Variants in ZFYVE28 observed in about 807,000 individuals in gnomAD.
ZFYVE28 encodes the protein lateral signaling target protein 2 homolog.
Under a neutral mutation model 82.1 loss-of-function variants are expected in ZFYVE28, and 40 were observed. The observed-to-expected ratio is 0.49, with a 90% CI of 0.38 to 0.63. ZFYVE28 has a LOEUF of 0.63. Among genes scored for constraint, ZFYVE28 ranks in the 30% least tolerant of loss-of-function variants. The pLI is 0.00. For missense variants in ZFYVE28, 1,321 were observed against 1,242.1 expected (o/e 1.06, Z -0.96); for synonymous variants, 612 against 546.1 (o/e 1.12, Z -1.68).
At chr4:2,278,219 CTTTTTTT>C in intron 8 of ZFYVE28, among the ~76,000 whole-genome samples, 1 of 136,922 alleles carries the variant, frequency 7.3e-6, no homozygotes, top group Non-Finnish European at 1.6e-5. Flanking sequence ...AAGATTCTCT[CTTTTTTT>C]TTTTTTTTTT....
At chr4:2,279,325 G>A (rs186228310) in intron 8 of ZFYVE28, among the ~76,000 whole-genome samples, 3 of 152,252 alleles carry the variant, frequency 2.0e-5, no homozygotes, top group East Asian at 3.9e-4. Flanking sequence ...CCAGCTACCC[G>A]GGAAGCTGAG....
intron 2 of ZFYVE28, chr4:2,342,810 A>G (rs764789252): frequency 2.0e-5 from 3 of 152,212 alleles, no homozygotes; most frequent in Non-Finnish European, 4.4e-5. Flanking sequence ...TATGAAATCA[A>G]TACACGTTCA....
intron 1 of ZFYVE28, among the ~76,000 whole-genome samples, chr4:2,381,070 C>G (rs1728683895): frequency 6.6e-6 from 1 of 152,146 alleles, no homozygotes; most frequent in South Asian, 2.1e-4. Context: ...TTTGGAACTT[C>G]CTAGAGACTT....
chr4:2,387,327 C>T (rs1389543887), intron 1 of ZFYVE28, among the ~76,000 whole-genome samples: 4 of 152,220 alleles, frequency 2.6e-5, no homozygotes, highest in African/African-American at 7.2e-5. Flanking sequence ...CTGAGCTTCA[C>T]GGCCGGAAGT....
At chr4:2,378,383 CA>C (rs760668425) in intron 1 of ZFYVE28, among the ~76,000 whole-genome samples, 5 of 152,162 alleles carry the variant, frequency 3.3e-5, no homozygotes, top group Non-Finnish European at 7.3e-5. Flanking sequence ...ATGGGACCAC[CA>C]TTGTATATGT....
intron 1 of ZFYVE28, among the ~76,000 whole-genome samples, chr4:2,370,027 T>C (rs1727358006): frequency 6.6e-6 from 1 of 151,528 alleles, no homozygotes; most frequent in South Asian, 2.1e-4. Flanking sequence ...ATTTTTGTAC[T>C]CTTAATAGAG....
At chr4:2,324,712 A>G (rs1213129563) in intron 6 of ZFYVE28, 2 of 167,998 alleles carry the variant, frequency 1.2e-5, no homozygotes, top group Non-Finnish European at 2.6e-5. Context: ...ACCTTCACGA[A>G]TCCCCACATA....
chr4:2,378,987 C>T (rs181554284), intron 1 of ZFYVE28, among the ~76,000 whole-genome samples: 5 of 152,346 alleles, frequency 3.3e-5, no homozygotes, highest in Admixed American at 3.3e-4. Context: ...TGGGGTACAT[C>T]TGCACCTGGA....
intron 1 of ZFYVE28, among the ~76,000 whole-genome samples, chr4:2,404,979 C>T (rs556349393): frequency 6.6e-6 from 1 of 152,064 alleles, no homozygotes; most frequent in South Asian, 2.1e-4. Context: ...AATCCGTCCC[C>T]CTTGGCCACC....
chr4:2,345,555 T>C (rs1723411217), intron 2 of ZFYVE28, among the ~76,000 whole-genome samples: 1 of 151,908 alleles, frequency 6.6e-6, no homozygotes, highest in Admixed American at 6.6e-5. Context: ...AATGAACTGC[T>C]GGACAACTTC....
intron 1 of ZFYVE28, among the ~76,000 whole-genome samples, chr4:2,379,215 G>A (rs1728475990): frequency 1.3e-5 from 2 of 152,172 alleles, no homozygotes; most frequent in Admixed American, 1.3e-4. Flanking sequence ...TCCAGGGAGA[G>A]ACAGAGCCCT....
At chr4:2,309,410 G>A (rs1717171290) in intron 7 of ZFYVE28, among the ~76,000 whole-genome samples, 1 of 152,322 alleles carries the variant, frequency 6.6e-6, no homozygotes, top group Admixed American at 6.5e-5. Flanking sequence ...AATTGACTAA[G>A]ACAGTATTTT....
chr4:2,347,029 A>G (rs1327815193), intron 2 of ZFYVE28, among the ~76,000 whole-genome samples: 1 of 152,206 alleles, frequency 6.6e-6, no homozygotes, highest in African/African-American at 2.4e-5. Context: ...TATGCTGCCT[A>G]CAAGATACCC....
rs886557948 is a variant in ZFYVE28 at position 2,335,173 on chromosome 4, G to A, written c.701+532C>T. On this transcript the variant is annotated intron_variant, in intron 6 of 12. Transcript: ENST00000290974. This position sits in a 1 kb window ranked among gnomAD's most constrained non-coding sequence, Gnocchi z 5.8. ...CCAGACGGCCCCGCTGGCAGGAAAGGTTCCACACAGGTATTCCATCAGCCA... is the reference window on the plus strand; with the variant it reads ...CCAGACGGCCCCGCTGGCAGGAAAGATTCCACACAGGTATTCCATCAGCCA... 1.3e-5 allele frequency among the ~76,000 whole-genome samples: 2 copies of A among 151,964 alleles called. No individual in the cohort carries two copies. Among genetic ancestry groups the A allele is most frequent in the East Asian group, 2.0e-4 (1 of 5,122 alleles).
chr4:2,333,045 C>G (rs957828504), intron 6 of ZFYVE28, among the ~76,000 whole-genome samples: 3 of 152,094 alleles, frequency 2.0e-5, no homozygotes, highest in African/African-American at 7.2e-5. Flanking sequence ...CTGGGGGTCC[C>G]TCACTCCCTT....
rs773681795 is a variant in ZFYVE28, at chr4:2,359,684, C to T, written c.40-5611G>A. On this transcript the variant is annotated intron_variant, in intron 1 of 12. Transcript: ENST00000290974. ...GAGAGAAAATACATTCCTACCGTTC[C>T]GGCTACCGAGTCTGGAGTCCTTTGT... 8.5e-5 allele frequency among the ~76,000 whole-genome samples: 13 copies of T among 152,170 alleles called. 1 individual carries two copies. The highest frequency in any genetic ancestry group is 4.1e-4 in the South Asian group (2 of 4,822).
rs1291077071 is a variant in ZFYVE28 at position 2,365,203 on chromosome 4, A to G, written c.40-11130T>C. ...GGGCGGCAGGGGTCAGGGTCTCCAC[A>G]TCTCCCCGGGTGGGCCACGCGGGGT... On this transcript the variant is annotated intron_variant, in intron 1 of 12. Coordinates refer to ENST00000290974, the MANE Select transcript of ZFYVE28 (RefSeq NM_020972.3). 2.0e-5 allele frequency among the ~76,000 whole-genome samples: 3 copies of G among 151,644 alleles called. No homozygotes were observed. In the East Asian group the frequency reaches 5.8e-4, roughly 30 times the overall value.
At chr4:2,400,322 A>ACACACACG (rs1731040170) in intron 1 of ZFYVE28, among the ~76,000 whole-genome samples, 1 of 152,190 alleles carries the variant, frequency 6.6e-6, no homozygotes, top group Non-Finnish European at 1.5e-5. Flanking sequence ...CATGACACGC[A>ACACACACG]CACACATTTC....
At chr4:2,303,146 G>A (rs1715858099) in intron 8 of ZFYVE28, among the ~76,000 whole-genome samples, 1 of 152,130 alleles carries the variant, frequency 6.6e-6, no homozygotes, top group Admixed American at 6.5e-5. Context: ...GCACAGGAAA[G>A]AGCTGCAGGG....
Sources: allele counts gnomAD v4.1 joint callset (sites outside exome capture counted in the v4.1 genomes callset), GRCh38; gene constraint gnomAD v4.1.1; non-coding constraint Gnocchi (gnomAD v3.1); transcripts MANE v1.5; gene names NCBI Gene and HGNC (gene_info 2026-07-23, HGNC 2026-07-21).